THRB: variants seen among roughly 807,000 people sequenced by gnomAD.
THRB encodes the protein thyroid hormone receptor beta.
THRB carries 12 observed loss-of-function variants against 47.8 expected under a neutral mutation model. That is an observed-to-expected ratio of 0.25 (90% CI 0.16 to 0.41). THRB has a LOEUF of 0.41. Ranked by LOEUF, THRB falls within the 10% of genes least tolerant of loss-of-function variation. THRB has a pLI of 1.00. For synonymous variants in THRB, 218 were observed against 212.2 expected (o/e 1.03, Z -0.24); for missense variants, 348 against 589.2 (o/e 0.59, Z 4.24).
rs140711958 is a variant in THRB at position 24,143,968 on chromosome 3, G to A, written c.533-262C>T. ...AGTCCCCAGAGAACCTAGACACTGC[G>A]CACTCCAACTCCACAGAAGGTGGTT... On this transcript the variant is annotated intron_variant, in intron 7 of 10. Transcript: ENST00000646209. 8.5e-4 allele frequency: 447 copies of A among 528,382 alleles called. 4 individuals are homozygous for A. The East Asian group carries it at 0.013, about 15-fold the overall frequency. The allele number at this position is 528,382 out of a possible 1,614,324, so 32.7% of individuals were successfully genotyped here.
At chr3:24,455,736 A>T (rs2073109018) in intron 1 of THRB, among the ~76,000 whole-genome samples, 1 of 152,154 alleles carries the variant, frequency 6.6e-6, no homozygotes. Flanking sequence ...GTCTTTTATT[A>T]ATAGGCAGAG....
At chr3:24,339,104 C>A (rs1240121521) in intron 1 of THRB, among the ~76,000 whole-genome samples, 1 of 152,070 alleles carries the variant, frequency 6.6e-6, no homozygotes, top group Admixed American at 6.5e-5. Flanking sequence ...TTACCCCTGA[C>A]ATTAATATAT....
chr3:24,361,021 GAGAAAT>G (rs1418967546), intron 1 of THRB, among the ~76,000 whole-genome samples: 8 of 152,154 alleles, frequency 5.3e-5, no homozygotes, highest in African/African-American at 1.9e-4. Context: ...GGTTGCTATG[GAGAAAT>G]TTGGGCAGAG....
intron 1 of THRB, among the ~76,000 whole-genome samples, chr3:24,365,820 G>C (rs1298897026): frequency 1.3e-5 from 2 of 151,856 alleles, no homozygotes; most frequent in African/African-American, 2.4e-5. Flanking sequence ...TTTTATAATG[G>C]CTTCTAGAAG....
At chr3:24,456,876 A>G (rs1169749062) in intron 1 of THRB, among the ~76,000 whole-genome samples, 1 of 152,096 alleles carries the variant, frequency 6.6e-6, no homozygotes, top group Non-Finnish European at 1.5e-5. Flanking sequence ...AAGGTGGTGA[A>G]CTGTGATTCT....
At chr3:24,435,212 G>T (rs544303569) in intron 1 of THRB, among the ~76,000 whole-genome samples, 2 of 152,248 alleles carry the variant, frequency 1.3e-5, no homozygotes, top group East Asian at 3.9e-4. Context: ...AAGGATGGAG[G>T]AAGACAGAAC....
At chr3:24,487,965 C>G (rs894349546) in intron 1 of THRB, among the ~76,000 whole-genome samples, 1 of 152,218 alleles carries the variant, frequency 6.6e-6, no homozygotes, top group Non-Finnish European at 1.5e-5. Context: ...AGAAGTACAT[C>G]TGAACCATCT....
At chr3:24,288,158 A>G (rs749362842) in intron 3 of THRB, among the ~76,000 whole-genome samples, 50 of 152,232 alleles carry the variant, frequency 3.3e-4, no homozygotes, top group Non-Finnish European at 6.8e-4. Flanking sequence ...GGAGCAGGAC[A>G]AATTGTGACC....
chr3:24,249,899 G>A (rs184004948), intron 3 of THRB, among the ~76,000 whole-genome samples: 1 of 152,290 alleles, frequency 6.6e-6, no homozygotes, highest in African/African-American at 2.4e-5. Flanking sequence ...GTTTTTGCTA[G>A]TATTTCCACA....
At chr3:24,354,784 G>C (rs1025986031) in intron 1 of THRB, among the ~76,000 whole-genome samples, 4 of 152,134 alleles carry the variant, frequency 2.6e-5, no homozygotes, top group African/African-American at 9.7e-5. Context: ...AATCCCCCAA[G>C]GCTGTGAAGA....
intron 2 of THRB, among the ~76,000 whole-genome samples, chr3:24,312,028 T>A (rs986733700): frequency 6.6e-6 from 1 of 152,238 alleles, no homozygotes; most frequent in East Asian, 1.9e-4. Context: ...CTGGGTTCCA[T>A]GAAAGTGTCA....
At chr3:24,143,870 T>A (rs2035766798) in intron 7 of THRB, 164 bp from the exon 8 acceptor site, 4 of 688,942 alleles carry the variant, frequency 5.8e-6, no homozygotes. Context: ...ACCAGCAAAC[T>A]GCCATTGACT....
At chr3:24,341,542 ATTT>A (rs2062656327) in intron 1 of THRB, among the ~76,000 whole-genome samples, 1 of 152,094 alleles carries the variant, frequency 6.6e-6, no homozygotes, top group Admixed American at 6.5e-5. Context: ...ATTATAACAA[ATTT>A]TTAAGTACAA....
intron 1 of THRB, among the ~76,000 whole-genome samples, chr3:24,377,793 C>T (rs1302524493): frequency 1.3e-5 from 2 of 152,082 alleles, no homozygotes; most frequent in African/African-American, 4.8e-5. Context: ...CCTCCCTGTA[C>T]ACTGAGAAGA....
Position 24,117,629 on chromosome 3 carries a change from G to A in THRB, c.*5255C>T, listed in dbSNP as rs2030901761. The A allele has an allele frequency of 6.6e-6, 1 of 152,200 alleles. No homozygotes were observed. Among genetic ancestry groups the A allele is most frequent in the African/African-American group, 2.4e-5 (1 of 41,446 alleles). 9.4% of individuals were successfully genotyped at this position (152,200 alleles called of 1,614,324 possible). On this transcript the variant is annotated 3_prime_UTR_variant, in exon 11 of 11. Transcript: ENST00000646209. ...GAGCTATTGGAGGCCACCGTAAGGT[G>A]AAAGGCCATGTGAATGTTAAGTCTA...
intron 3 of THRB, among the ~76,000 whole-genome samples, chr3:24,268,194 C>T (rs2052860121): frequency 6.6e-6 from 1 of 152,070 alleles, no homozygotes; most frequent in South Asian, 2.1e-4. Flanking sequence ...AGGCACCCCT[C>T]AGTGATTCTT....
At chr3:24,208,254 G>A (rs1003770237) in intron 4 of THRB, among the ~76,000 whole-genome samples, 12 of 151,774 alleles carry the variant, frequency 7.9e-5, no homozygotes, top group Non-Finnish European at 1.5e-4. Flanking sequence ...AATCAATATT[G>A]TGAAAATGGC....
At chr3:24,376,734 C>T (rs978510712) in intron 1 of THRB, among the ~76,000 whole-genome samples, 5 of 152,094 alleles carry the variant, frequency 3.3e-5, no homozygotes, top group African/African-American at 1.2e-4. Flanking sequence ...AACCAGGCCT[C>T]CACTATTTCC....
intron 10 of THRB, among the ~76,000 whole-genome samples, chr3:24,125,317 G>A (rs960350761): frequency 6.6e-6 from 1 of 152,206 alleles, no homozygotes; most frequent in Non-Finnish European, 1.5e-5. Context: ...AGGTGTTAAA[G>A]GCAGACTAGC....
Sources: allele counts gnomAD v4.1 joint callset (sites outside exome capture counted in the v4.1 genomes callset), GRCh38; gene constraint gnomAD v4.1.1; transcripts MANE v1.5; gene names NCBI Gene and HGNC (gene_info 2026-07-23, HGNC 2026-07-21).